Variants in USP39 observed in about 807,000 individuals in gnomAD.
USP39 encodes ubiquitin specific peptidase 39.
USP39 carries 38 observed loss-of-function variants against 66.4 expected under a neutral mutation model. The ratio of observed to expected loss-of-function variants is 0.57; its 90% confidence interval spans 0.44 to 0.75. The LOEUF is 0.75. Ranked by LOEUF, USP39 falls within the 30% of genes least tolerant of loss-of-function variation. The pLI, the probability that USP39 is intolerant of heterozygous loss-of-function variation, is 0.00. For synonymous variants in USP39, 303 were observed against 274.6 expected (o/e 1.10, Z -1.02); for missense variants, 608 against 714.4 (o/e 0.85, Z 1.70).
rs1011798436 is a variant in USP39, at chr2:85,602,918, A to G, written n.63A>G. The stretch of plus-strand genomic sequence containing the variant: ...GCGTGAAGACCGCTCTAAAACCGAG[A>G]TGACTAGAGGTTCCGTTTAACCGAT... On this transcript the variant is annotated non_coding_transcript_exon_variant, in exon 1 of 13. Transcript: ENST00000459775. This position sits in a 1 kb window ranked among gnomAD's most constrained non-coding sequence, Gnocchi z 5.6. 22 of 152,240 alleles carry G rather than the reference A, an allele frequency of 1.4e-4. No individual in the cohort carries two copies. Among genetic ancestry groups the G allele is most frequent in the Admixed American group, 5.2e-4 (8 of 15,276 alleles). 9.4% of individuals were successfully genotyped at this position (152,240 alleles called of 1,614,324 possible).
intron 1 of USP39, among the ~76,000 whole-genome samples, chr2:85,604,757 G>T (rs1007059825): frequency 2.0e-5 from 3 of 152,220 alleles, no homozygotes; most frequent in Non-Finnish European, 4.4e-5. Context: ...GCCCAATGGG[G>T]CTGTGAACCC....
intron 12 of USP39, among the ~76,000 whole-genome samples, chr2:85,648,283 G>C (rs1676798581): frequency 6.6e-6 from 1 of 152,224 alleles, no homozygotes; most frequent in African/African-American, 2.4e-5. Flanking sequence ...TTTTGCAGAA[G>C]TGTGCGGTCT....
upstream of USP39, chr2:85,609,498 A>C: frequency 6.2e-7 from 1 of 1,614,172 alleles, no homozygotes; most frequent in Middle Eastern, 1.6e-4. Flanking sequence ...AGAAGAGCTG[A>C]TGGCCAGAAG....
chr2:85,611,773 T>C, upstream of USP39: 1 of 1,611,978 alleles, frequency 6.2e-7, no homozygotes, highest in Non-Finnish European at 8.5e-7. Flanking sequence ...TTCACCTTCT[T>C]GTCATAGTCG....
upstream of USP39, chr2:85,608,793 G>A: frequency 1.1e-6 from 1 of 873,520 alleles, no homozygotes; most frequent in Non-Finnish European, 1.7e-6. Flanking sequence ...TGCAAGGCAG[G>A]CCAGGTGTAG....
upstream of USP39, chr2:85,611,860 C>T (rs760438050): frequency 3.1e-6 from 5 of 1,597,222 alleles, no homozygotes; most frequent in East Asian, 2.3e-5. Flanking sequence ...GCGGCGGCGG[C>T]GCAGGGCGGG....
chr2:85,618,322 G>A (rs930461540), intron 1 of USP39, among the ~76,000 whole-genome samples: 1 of 151,530 alleles, frequency 6.6e-6, no homozygotes, highest in Non-Finnish European at 1.5e-5. Flanking sequence ...CCAGCACTTT[G>A]GGAGGCCAAG....
rs535281376 is a variant in USP39, at chr2:85,624,962, T to TTA, written c.571-577_571-576insTA. Among the ~76,000 whole-genome samples the TTA allele has an allele frequency of 2.2e-5, 3 of 137,414 alleles. No individual in the cohort carries two copies. The Admixed American group carries it at 2.2e-4, about 10-fold the overall frequency. The allele number at this position is 137,414 out of a possible 152,430, so 90.1% of individuals were successfully genotyped here. The stretch of plus-strand genomic sequence containing the variant: ...TAGGCAACAAGAGCAAAACTCCATC[T>TTA]AAAAAAAAAAAAAAAAGTTATGGTC... On this transcript the variant is annotated intron_variant, in intron 4 of 12. Transcript: ENST00000323701.
chr2:85,627,915 C>A (rs149650252), intron 5 of USP39, among the ~76,000 whole-genome samples: 1 of 152,194 alleles, frequency 6.6e-6, no homozygotes, highest in African/African-American at 2.4e-5. Context: ...TGATAAAGTT[C>A]TTCCCTTTTC....
intron 1 of USP39, among the ~76,000 whole-genome samples, chr2:85,618,855 C>A (rs142937583): frequency 3.5e-4 from 53 of 152,124 alleles, no homozygotes; most frequent in African/African-American, 1.2e-3. Flanking sequence ...CTGCAACCGC[C>A]TTCTCCCAGG....
At chr2:85,608,905 G>T (rs747486270), upstream of USP39, 15 of 1,607,408 alleles carry the variant, frequency 9.3e-6, no homozygotes, top group Admixed American at 1.2e-4. Flanking sequence ...ATTCTTCCGA[G>T]TGCAGTGAAT....
intron 10 of USP39, among the ~76,000 whole-genome samples, chr2:85,641,907 TAAAAAAAAA>T (rs759697072): frequency 3.9e-4 from 36 of 91,338 alleles, no homozygotes; most frequent in African/African-American, 1.4e-3. Context: ...GTGACTGTGC[TAAAAAAAAA>T]AAAAAAAAAA....
intron 6 of USP39, among the ~76,000 whole-genome samples, chr2:85,632,728 G>C (rs757228589): frequency 6.6e-6 from 1 of 152,024 alleles, no homozygotes; most frequent in African/African-American, 2.4e-5. Context: ...GATTACAGGC[G>C]TGAGCCACCA....
upstream of USP39, chr2:85,609,094 C>T (rs140476145): frequency 3.1e-6 from 5 of 1,612,514 alleles, no homozygotes; most frequent in South Asian, 1.1e-5. Flanking sequence ...TCAGAAGGCT[C>T]AGGGCCTGGC....
upstream of USP39, among the ~76,000 whole-genome samples, chr2:85,614,858 TC>T (rs2104192185): frequency 6.6e-6 from 1 of 152,330 alleles, no homozygotes; most frequent in South Asian, 2.1e-4. Context: ...ATACCTAACT[TC>T]CTGGGAATGC....
intron 5 of USP39, among the ~76,000 whole-genome samples, chr2:85,630,069 A>G (rs1055758119): frequency 1.3e-5 from 2 of 152,106 alleles, no homozygotes; most frequent in African/African-American, 4.8e-5. Context: ...CCCATCACCC[A>G]AGCAGTGTAT....
intron 1 of USP39, among the ~76,000 whole-genome samples, chr2:85,616,751 C>T (rs1674005599): frequency 6.7e-6 from 1 of 149,110 alleles, no homozygotes; most frequent in Non-Finnish European, 1.5e-5. Flanking sequence ...GATCTCGGCT[C>T]ACTGCAACCT....
In USP39 at chr2:85,616,307, C is replaced by G. The variant is rs1420386936; in HGVS notation, c.112C>G (p.Pro38Ala). Residue 38 changes from proline (P) to alanine (A), a missense_variant, in exon 1 of 13, where the codon CCT becomes GCT. Coordinates refer to ENST00000323701, the MANE Select transcript of USP39 (RefSeq NM_006590.4). ...GCGGGAGCGAGATCGGGAGCGGGAG[C>G]CTGAGGCGGCGAGCTCCCGGGGCAG... ...VKRERDRERE[P>A]EAASSRGSPV... 1.3e-6 allele frequency: 2 copies of G among 1,580,528 alleles called. No homozygotes were observed. The highest frequency in any genetic ancestry group is 8.6e-7 in the Non-Finnish European group (1 of 1,162,046).
At chr2:85,604,932 T>C (rs980638191) in intron 1 of USP39, among the ~76,000 whole-genome samples, 1 of 152,232 alleles carries the variant, frequency 6.6e-6, no homozygotes, top group Non-Finnish European at 1.5e-5. Context: ...TGGCTTAGTA[T>C]GACAATCTAA....
Sources: gnomAD v4.1 joint callset for allele counts (sites outside exome capture counted in the v4.1 genomes callset) on GRCh38, gnomAD v4.1.1 for gene constraint, Gnocchi (gnomAD v3.1) non-coding constraint, MANE v1.5 for transcripts, NCBI Gene and HGNC (gene_info 2026-07-23, HGNC 2026-07-21) for gene names.